Variants in ZNF532 observed in about 807,000 individuals in gnomAD.
ZNF532 encodes zinc finger protein 532.
A neutral mutation model predicts 89.3 loss-of-function variants in ZNF532; 22 were observed. The observed-to-expected ratio is 0.25, with a 90% confidence interval of 0.18 to 0.35. The LOEUF (loss-of-function observed/expected upper bound fraction) is 0.35, where lower values mean the gene tolerates loss of function less well. ZNF532 is among the 10% of genes least tolerant of loss of function. The probability of loss-of-function intolerance (pLI) is 1.00; values close to 1 mark genes in which losing one functional copy is unlikely to be tolerated. For missense variants in ZNF532, 1,132 were observed against 1,643.4 expected, an observed-to-expected ratio of 0.69 and a Z score of 5.38; for synonymous variants, 606 against 649.6, an observed-to-expected ratio of 0.93 and a Z score of 1.02.
At chr18:58,888,414 G>A (rs1188035936) in intron 2 of ZNF532, among the ~76,000 whole-genome samples, 2 of 151,574 alleles carry the variant, frequency 1.3e-5, no homozygotes, top group Admixed American at 6.6e-5. Context: ...AGTGGCTCAC[G>A]CCTGTAATCC....
At chr18:58,917,756 T>A (rs2060711050) in intron 2 of ZNF532, among the ~76,000 whole-genome samples, 1 of 152,142 alleles carries the variant, frequency 6.6e-6, no homozygotes, top group African/African-American at 2.4e-5. Flanking sequence ...TATCCTGCAG[T>A]AGCTGTGGAT....
At chr18:58,975,743 T>A (rs2066978257) in intron 7 of ZNF532, among the ~76,000 whole-genome samples, 2 of 152,248 alleles carry the variant, frequency 1.3e-5, no homozygotes, top group South Asian at 2.1e-4. Context: ...TCAAAAAGTT[T>A]TATGTTAAAA....
rs537357857 is a variant in ZNF532, at chr18:58,944,137, G to A, written c.2706-3930G>A. On this transcript the variant is annotated intron_variant, in intron 5 of 9. Coordinates refer to ENST00000591808, the MANE Select transcript of ZNF532 (RefSeq NM_001375912.1). ...TGGCTGTGGGGATTAGGTGTATGAC[G>A]CGGAGGGTGGTGCTTTGCCCCTAGT... Among the ~76,000 whole-genome samples the A allele has an allele frequency of 2.0e-4, 31 of 152,264 alleles. 1 individual carries two copies. The South Asian group carries it at 3.9e-3, about 19-fold the overall frequency.
intron 4 of ZNF532, among the ~76,000 whole-genome samples, chr18:58,938,175 C>T (rs997595460): frequency 1.3e-5 from 2 of 152,230 alleles, no homozygotes; most frequent in African/African-American, 4.8e-5. Context: ...CCCCCGGAAA[C>T]CAGGCCCTGT....
chr18:58,913,817 T>C (rs1237255076), intron 2 of ZNF532, among the ~76,000 whole-genome samples: 2 of 152,164 alleles, frequency 1.3e-5, no homozygotes, highest in Non-Finnish European at 2.9e-5. Flanking sequence ...AGGACTGTTA[T>C]GATTTAGAGG....
upstream of ZNF532, chr18:58,863,421 C>G (rs2056127485): frequency 1.6e-3 from 2 of 1,248 alleles, no homozygotes; most frequent in East Asian, 0.056. Flanking sequence ...GCTGCCGCCG[C>G]CCGGTCCCGG....
chr18:58,950,318 G>T (rs1603276462), intron 6 of ZNF532, among the ~76,000 whole-genome samples: 1 of 152,162 alleles, frequency 6.6e-6, no homozygotes, highest in African/African-American at 2.4e-5. Flanking sequence ...AAGGAGGAAA[G>T]AATTGTTATT....
At position 58,984,332 on chromosome 18, in the gene ZNF532, G is replaced by C. The variant is rs370795819; in HGVS notation, c.3772G>C (p.Asp1258His). The C allele has an allele frequency of 1.2e-6, 2 of 1,611,998 alleles. No homozygotes were observed. Among genetic ancestry groups the C allele is most frequent in the African/African-American group, 2.7e-5 (2 of 74,972 alleles). Residue 1258 changes from aspartate (D) to histidine (H), a missense_variant, in exon 10 of 10, where the codon GAT (aspartate) becomes CAT (histidine). Physicochemically the swap from Asp to His is moderately conservative, Grantham distance 81. Coordinates refer to ENST00000591808, the MANE Select transcript of ZNF532 (RefSeq NM_001375912.1). ...ACCCAGCCACGAGGATGAATCCCCTGATGGCGCCGTGTCAGACAGAAAGTG... is the reference window on the plus strand; with the variant it reads ...ACCCAGCCACGAGGATGAATCCCCTCATGGCGCCGTGTCAGACAGAAAGTG... ...NKPSHEDESP[D>H]GAVSDRKCKV...
intron 2 of ZNF532, among the ~76,000 whole-genome samples, chr18:58,905,100 TG>T (rs2145749765): frequency 6.6e-6 from 1 of 152,242 alleles, no homozygotes; most frequent in African/African-American, 2.4e-5. Context: ...CCTCGGCCTC[TG>T]GAAGTGCTGG....
intron 7 of ZNF532, among the ~76,000 whole-genome samples, chr18:58,971,983 CA>C (rs2066516528): frequency 6.6e-6 from 1 of 152,142 alleles, no homozygotes; most frequent in Non-Finnish European, 1.5e-5. Context: ...GCGGGTAGAT[CA>C]CCTGAGGTAA....
At chr18:58,941,468 CTTT>C (rs71302776) in intron 5 of ZNF532, among the ~76,000 whole-genome samples, 2 of 114,900 alleles carry the variant, frequency 1.7e-5, no homozygotes, top group Admixed American at 9.9e-5. Flanking sequence ...CTCTCTCTCT[CTTT>C]TTTTTTTTTT....
intron 3 of ZNF532, 140 bp from the exon 4 acceptor site, chr18:58,934,293 C>A: frequency 1.3e-6 from 1 of 755,606 alleles, no homozygotes; most frequent in Non-Finnish European, 2.1e-6. Context: ...TTCAAGTTGG[C>A]TTTTCCCTTG....
At chr18:58,972,062 G>C (rs1295039787) in intron 7 of ZNF532, among the ~76,000 whole-genome samples, 7 of 152,154 alleles carry the variant, frequency 4.6e-5, no homozygotes, top group African/African-American at 1.7e-4. Context: ...AAATTATCCA[G>C]GTGTGGTGGT....
At chr18:58,974,952 C>G (rs2066877250) in intron 7 of ZNF532, among the ~76,000 whole-genome samples, 1 of 152,168 alleles carries the variant, frequency 6.6e-6, no homozygotes, top group South Asian at 2.1e-4. Context: ...CTCCGTGACT[C>G]CATTTTTGCT....
chr18:58,872,698 C>CTTTTT (rs146289274), intron 2 of ZNF532, among the ~76,000 whole-genome samples: 12 of 138,596 alleles, frequency 8.7e-5, no homozygotes, highest in South Asian at 4.6e-4. Flanking sequence ...CAACATTTAT[C>CTTTTT]TTTTTTTTTT....
chr18:58,894,435 C>T (rs1044127013), intron 2 of ZNF532, among the ~76,000 whole-genome samples: 1 of 148,552 alleles, frequency 6.7e-6, no homozygotes, highest in African/African-American at 2.5e-5. Flanking sequence ...CCACTGCACT[C>T]CAGCCTGGGT....
chr18:58,920,473 C>T lies in ZNF532; in HGVS notation c.2186C>T (p.Ser729Leu), dbSNP rs1352537130. The T allele has an allele frequency of 9.3e-6, 15 of 1,613,904 alleles. No individual in the cohort carries two copies. The highest frequency in any genetic ancestry group is 1.2e-5 in the Non-Finnish European group (14 of 1,179,858). ...TCTGGCATAACTGGGACAGTCATAT[C>T]GGCTCCTTCAAGCACTCCCATCACC... is the stretch of plus-strand genomic sequence containing the variant. ...IQSGITGTVI[S>L]APSSTPITPA... The change falls in exon 3 of 10, where the codon TCG becomes TTG. Residue 729 changes from serine (S) to leucine (L), a missense_variant. By Grantham distance (145) the Ser-to-Leu change is moderately radical. Around this residue, in one of 9 missense-constraint regions of ZNF532, gnomAD observed 100 missense variants for 122.0 expected, o/e 0.82. Transcript: ENST00000591808.
chr18:58,942,772 C>A (rs1224736221), intron 5 of ZNF532, among the ~76,000 whole-genome samples: 4 of 152,166 alleles, frequency 2.6e-5, no homozygotes, highest in Non-Finnish European at 5.9e-5. Context: ...TACATAAGTC[C>A]AAAATGACTA....
chr18:58,926,186 T>G (rs1187875150), intron 3 of ZNF532: 3 of 152,198 alleles, frequency 2.0e-5, no homozygotes. Flanking sequence ...AATTGACATC[T>G]TTACTATATT....
Sources: gnomAD v4.1 joint callset for allele counts (sites outside exome capture counted in the v4.1 genomes callset) on GRCh38, gnomAD v4.1.1 for gene constraint, gnomAD v4.1.1 regional missense constraint, MANE v1.5 for transcripts, NCBI Gene and HGNC (gene_info 2026-07-23, HGNC 2026-07-21) for gene names.